The following RICTOR variants were observed in gnomAD, a reference collection of about 807,000 sequenced individuals.
RICTOR encodes rapamycin-insensitive companion of mTOR.
Under a neutral mutation model 214.9 loss-of-function variants are expected in RICTOR, and 49 were observed. That is an observed-to-expected ratio of 0.23 (90% CI 0.18 to 0.29). The LOEUF (loss-of-function observed/expected upper bound fraction) is 0.29. Among genes scored for constraint, RICTOR ranks in the 10% least tolerant of loss-of-function variants. The pLI is 1.00. For synonymous variants in RICTOR, 717 were observed against 711.3 expected (o/e 1.01, Z -0.13); for missense variants, 1,625 against 2,047.0 (o/e 0.79, Z 3.98).
At chr5:39,073,504 C>A (rs1355361596) in intron 2 of RICTOR, among the ~76,000 whole-genome samples, 1 of 152,126 alleles carries the variant, frequency 6.6e-6, no homozygotes, top group African/African-American at 2.4e-5. Context: ...ACAGTCCCAG[C>A]GGCCCGGGAA....
chr5:38,961,557 T>G (rs1749797690), intron 19 of RICTOR, among the ~76,000 whole-genome samples: 1 of 152,096 alleles, frequency 6.6e-6, no homozygotes, highest in East Asian at 1.9e-4. Context: ...TTCAATCCAA[T>G]AGAGGTGTCC....
At chr5:39,003,968 C>T (rs937158573) in intron 3 of RICTOR, among the ~76,000 whole-genome samples, 1 of 152,132 alleles carries the variant, frequency 6.6e-6, no homozygotes, top group Non-Finnish European at 1.5e-5. Context: ...AAAAGTATCA[C>T]TTCACAATGT....
chr5:38,944,374 G>T, intron 36 of RICTOR, 72 bp downstream of exon 36: 2 of 1,450,774 alleles, frequency 1.4e-6, no homozygotes, highest in Non-Finnish European at 1.9e-6. Flanking sequence ...AACTTTTGAA[G>T]TATTTCAAGT....
intron 2 of RICTOR, among the ~76,000 whole-genome samples, chr5:39,061,305 G>A (rs941988363): frequency 1.3e-5 from 2 of 151,968 alleles, no homozygotes; most frequent in African/African-American, 4.8e-5. Flanking sequence ...TTTTTCATTA[G>A]ATTTTTTGCT....
At chr5:38,961,764 C>T (rs1250547386) in intron 19 of RICTOR, among the ~76,000 whole-genome samples, 4 of 152,194 alleles carry the variant, frequency 2.6e-5, no homozygotes, top group South Asian at 2.1e-4. Flanking sequence ...ATGAATTTCT[C>T]AAACATACTA....
At position 38,968,186 on chromosome 5, in the gene RICTOR, C is replaced by T. The variant is rs556846881; in HGVS notation, c.973-156G>A. On this transcript the variant is annotated intron_variant, in intron 11 of 37. Transcript: ENST00000357387. ...TTTAGTCAATGATGGACCATATATA[C>T]GATGGTCGTTCCCTAAGATTATGAT... 3.3e-5 allele frequency among the ~76,000 whole-genome samples: 5 copies of T among 152,120 alleles called. No individual in the cohort carries two copies. The South Asian group carries it at 8.3e-4, about 25-fold the overall frequency.
At chr5:38,944,840 C>T (rs182505025) in intron 35 of RICTOR, 73 bp downstream of exon 35, 46 of 1,423,986 alleles carry the variant, frequency 3.2e-5, no homozygotes, top group African/African-American at 1.4e-4. Context: ...ACAGTATTTA[C>T]GAAAAACAAA....
In RICTOR at chr5:38,972,016, T is replaced by C. The variant is rs567295787; in HGVS notation, c.890-57A>G. The C allele has an allele frequency of 2.7e-5, 20 of 738,918 alleles. No individual in the cohort carries two copies. In the East Asian group the frequency reaches 3.5e-4, roughly 13 times the overall value. The allele number at this position is 738,918 out of a possible 1,614,324, so 45.8% of individuals were successfully genotyped here. On this transcript the variant is annotated intron_variant, in intron 10 of 37. Coordinates refer to ENST00000357387, the MANE Select transcript of RICTOR (RefSeq NM_152756.5). ...GACATGAATTTCAAAAAAATTTCTA[T>C]GGCAATGTATAATATAAAACTTGTC...
intron 2 of RICTOR, among the ~76,000 whole-genome samples, chr5:39,051,046 C>CACACAA (rs1338812993): frequency 8.3e-6 from 1 of 120,228 alleles, no homozygotes; most frequent in Non-Finnish European, 2.0e-5. Context: ...TATATATACA[C>CACACAA]ACACACACAC....
rs2432225 is a variant in RICTOR at position 38,990,825 on chromosome 5, T to A, written c.583+124A>T. 4.5e-4 allele frequency: 73 copies of A among 163,864 alleles called. 5 individuals carry two copies. The highest frequency in any genetic ancestry group is 1.4e-3 in the African/African-American group (15 of 11,038). The allele number at this position is 163,864 out of a possible 1,614,324, so 10.2% of individuals were successfully genotyped here. A position where few individuals can be genotyped will look rare whatever the true frequency, so the allele number is the denominator to read the frequency against. On this transcript the variant is annotated intron_variant, in intron 7 of 37. Coordinates refer to ENST00000357387, the MANE Select transcript of RICTOR (RefSeq NM_152756.5). ...ATATATATGAGATATATGAGATATA[T>A]GATATATGAGATATATGAGATATAT...
intron 2 of RICTOR, among the ~76,000 whole-genome samples, chr5:39,046,229 T>C (rs1384935614): frequency 6.6e-6 from 1 of 151,156 alleles, no homozygotes; most frequent in African/African-American, 2.4e-5. Flanking sequence ...CTGGGCATAG[T>C]GGCATACGCC....
At chr5:38,948,521 G>C (rs1400152998) in intron 31 of RICTOR, among the ~76,000 whole-genome samples, 1 of 151,808 alleles carries the variant, frequency 6.6e-6, no homozygotes, top group African/African-American at 2.4e-5. Flanking sequence ...CTACCTATTG[G>C]GTTTCCACAG....
At chr5:39,020,979 TTAG>T (rs1755378260) in intron 3 of RICTOR, 57 bp downstream of exon 3, 2 of 836,410 alleles carry the variant, frequency 2.4e-6, no homozygotes, top group Non-Finnish European at 4.2e-6. Context: ...CAAGAAACAT[TTAG>T]TAAGTGTGGT....
At chr5:39,024,733 T>C (rs918942710) in intron 2 of RICTOR, among the ~76,000 whole-genome samples, 3 of 152,238 alleles carry the variant, frequency 2.0e-5, no homozygotes, top group Non-Finnish European at 4.4e-5. Context: ...ACAGGACTAA[T>C]AGTTACGATG....
At chr5:38,953,318 C>T (rs1482762111) in intron 28 of RICTOR, 143 bp downstream of exon 28, 5 of 560,316 alleles carry the variant, frequency 8.9e-6, no homozygotes, top group Non-Finnish European at 1.3e-5. Context: ...AGATAATACA[C>T]TTATATTGGC....
intron 31 of RICTOR, 36 bp downstream of exon 31, chr5:38,949,676 C>T: frequency 1.3e-6 from 2 of 1,548,264 alleles, no homozygotes; most frequent in Non-Finnish European, 1.8e-6. Context: ...TAAAATGCAA[C>T]CATTATTGGT....
intron 2 of RICTOR, among the ~76,000 whole-genome samples, chr5:39,037,527 GA>G (rs1254915775): frequency 4.6e-5 from 7 of 152,196 alleles, no homozygotes; most frequent in Admixed American, 4.6e-4. Context: ...ATGAATCCAG[GA>G]GCTGGTTTTT....
chr5:39,037,130 G>C (rs936590133), intron 2 of RICTOR, among the ~76,000 whole-genome samples: 7 of 152,140 alleles, frequency 4.6e-5, no homozygotes, highest in African/African-American at 9.7e-5. Flanking sequence ...TCAGACCACA[G>C]TGCAATCAAA....
intron 11 of RICTOR, chr5:38,971,008 C>CT (rs763365603): frequency 4.6e-5 from 7 of 152,118 alleles, no homozygotes; most frequent in Non-Finnish European, 7.3e-5. Flanking sequence ...TTCAACTCAA[C>CT]TTTTTTTTGT....
Sources: allele counts gnomAD v4.1 joint callset (sites outside exome capture counted in the v4.1 genomes callset), GRCh38; gene constraint gnomAD v4.1.1; transcripts MANE v1.5; gene names NCBI Gene and HGNC (gene_info 2026-07-23, HGNC 2026-07-21).